The following RYR3 variants were observed in gnomAD, a reference collection of about 807,000 sequenced individuals.
The protein encoded by RYR3 is brain ryanodine receptor-calcium release channel.
In RYR3, 207 loss-of-function variants were observed where a neutral mutation model predicts 584.3. The observed-to-expected ratio is 0.35, with a 90% confidence interval of 0.32 to 0.40. The LOEUF is 0.40. Ranked by LOEUF, RYR3 falls within the 10% of genes least tolerant of loss-of-function variation. RYR3 has a pLI of 1.00. For synonymous variants in RYR3, 2,416 were observed against 2,248.5 expected, an observed-to-expected ratio of 1.07 and a Z score of -2.11; for missense variants, 5,616 against 6,089.2, an observed-to-expected ratio of 0.92 and a Z score of 2.59.
intron 1 of RYR3, among the ~76,000 whole-genome samples, chr15:33,376,366 C>T (rs543371477): frequency 1.3e-5 from 2 of 152,184 alleles, no homozygotes; most frequent in African/African-American, 4.8e-5. Context: ...TATCCATTCC[C>T]CTCTGATGGA....
Position 33,825,954 on chromosome 15 carries a change from G to A in RYR3, c.11146+278G>A, listed in dbSNP as rs2077359066. 1.8e-5 allele frequency: 9 copies of A among 502,894 alleles called. No individual in the cohort carries two copies. The East Asian group carries it at 3.3e-4, about 18-fold the overall frequency. 31.2% of individuals were successfully genotyped at this position (502,894 alleles called of 1,614,324 possible). A position where few individuals can be genotyped will look rare whatever the true frequency, so the allele number is the denominator to read the frequency against. ...TCATCATGTTGGCCAGGCTGGTCTT[G>A]AACTCCTGACCTCAGGTGATCCACC... On this transcript the variant is annotated intron_variant, in intron 82 of 103. Coordinates refer to ENST00000634891, the MANE Select transcript of RYR3 (RefSeq NM_001036.6).
chr15:33,533,325 G>C lies in RYR3; in HGVS notation c.369G>C (p.Leu123Phe). Residue 123 changes from leucine to phenylalanine, a missense_variant, in exon 5 of 104, where the codon TTG (leucine) becomes TTC (phenylalanine). Transcript: ENST00000634891. ...HSFSGMYLTC[L>F]TTSRSQTDKL... ...TTCTTTCACAGTATCTAACATGCTT[G>C]ACTACATCAAGATCCCAGACAGACA... is the stretch of plus-strand genomic sequence containing the variant. The C allele has an allele frequency of 1.2e-6, 2 of 1,605,502 alleles. No homozygotes were observed. Among genetic ancestry groups the C allele is most frequent in the Non-Finnish European group, 1.7e-6 (2 of 1,175,704 alleles).
chr15:33,374,696 G>A (rs1267761391), intron 1 of RYR3, among the ~76,000 whole-genome samples: 2 of 152,152 alleles, frequency 1.3e-5, no homozygotes, highest in African/African-American at 4.8e-5. Context: ...GTAATGAAAT[G>A]GTAATGTTAT....
chr15:33,391,264 C>T (rs1484692305), intron 1 of RYR3, among the ~76,000 whole-genome samples: 1 of 152,180 alleles, frequency 6.6e-6, no homozygotes, highest in Admixed American at 6.5e-5. Context: ...AGGCTTCACT[C>T]TCATGCAGCC....
rs746107785 is a variant in RYR3, at chr15:33,728,941, A to G, written c.7118A>G (p.Tyr2373Cys). 1 of 1,613,936 alleles carries G rather than the reference A, an allele frequency of 6.2e-7. No homozygotes were observed. Among genetic ancestry groups the G allele is most frequent in the Middle Eastern group, 1.7e-4 (1 of 6,058 alleles). Residue 2373 changes from tyrosine (Y) to cysteine (C), a missense_variant, in exon 47 of 104, where the codon TAT (tyrosine) becomes TGT (cysteine). This residue lies in a region of RYR3 where 1,280 missense variants were observed against 1,426.2 expected (regional missense o/e 0.90). Coordinates refer to ENST00000634891, the MANE Select transcript of RYR3 (RefSeq NM_001036.6). ...ATGGTGCTGTTCTTGGACCGCGTTT[A>G]TGGCATTAAGGATCAAACTTTTCTG... ...APMVLFLDRVYGIKDQTFLLH... is the reference protein window; with the variant it reads ...APMVLFLDRVCGIKDQTFLLH...
intron 3 of RYR3, among the ~76,000 whole-genome samples, chr15:33,527,299 G>A (rs1459438364): frequency 1.3e-5 from 2 of 152,108 alleles, no homozygotes; most frequent in Admixed American, 1.3e-4. Context: ...AATACATTAA[G>A]GCCGGGCATG....
chr15:33,471,594 T>TAAAA (rs3084420), intron 1 of RYR3, among the ~76,000 whole-genome samples: 1,604 of 142,142 alleles, frequency 0.011, 33 homozygotes, highest in African/African-American at 0.04. Flanking sequence ...CATGCCTTTG[T>TAAAA]AAAAAAAAAA....
intron 67 of RYR3, among the ~76,000 whole-genome samples, chr15:33,789,467 G>A (rs1041087303): frequency 1.3e-5 from 2 of 150,416 alleles, no homozygotes; most frequent in Non-Finnish European, 3.0e-5. Flanking sequence ...GAGTGATGGG[G>A]AGGGACTGCT....
intron 45 of RYR3, among the ~76,000 whole-genome samples, chr15:33,724,731 A>T (rs550348069): frequency 2.1e-4 from 32 of 152,310 alleles, no homozygotes; most frequent in African/African-American, 7.7e-4. Context: ...CTGAAAGAAT[A>T]AGCCTTATTT....
intron 23 of RYR3, among the ~76,000 whole-genome samples, chr15:33,631,531 T>C (rs1394228543): frequency 1.3e-5 from 2 of 152,172 alleles, no homozygotes; most frequent in Non-Finnish European, 2.9e-5. Context: ...ATTGTTAGTT[T>C]TGAGCCAGGA....
intron 1 of RYR3, among the ~76,000 whole-genome samples, chr15:33,429,510 T>A (rs773660806): frequency 1.6e-4 from 24 of 152,326 alleles, no homozygotes; most frequent in Middle Eastern, 3.4e-3. Flanking sequence ...GATGATCGGA[T>A]TTGCACTTTT....
At chr15:33,665,245 C>T in intron 36 of RYR3, among the ~76,000 whole-genome samples, 1 of 152,198 alleles carries the variant, frequency 6.6e-6, no homozygotes, top group East Asian at 1.9e-4. Flanking sequence ...CTGGCTCCCC[C>T]ATTGCTCGCT....
intron 82 of RYR3, chr15:33,825,914 A>T: frequency 2.0e-6 from 1 of 498,806 alleles, no homozygotes; most frequent in South Asian, 2.3e-5. Context: ...TTGTATTTTT[A>T]GTAGAGGCAG....
chr15:33,424,020 T>C (rs2044424387), intron 1 of RYR3, among the ~76,000 whole-genome samples: 1 of 152,214 alleles, frequency 6.6e-6, no homozygotes. Context: ...CTTGCCCTGG[T>C]TCAGATGTCC....
intron 8 of RYR3, among the ~76,000 whole-genome samples, chr15:33,545,375 T>C (rs2056158374): frequency 6.6e-6 from 1 of 151,986 alleles, no homozygotes; most frequent in African/African-American, 2.4e-5. Flanking sequence ...AAGAGTGAAG[T>C]AGATGGAGGG....
chr15:33,632,763 A>G (rs780972104), intron 23 of RYR3, among the ~76,000 whole-genome samples, 186 bp from the exon 24 acceptor site: 2 of 152,276 alleles, frequency 1.3e-5, no homozygotes, highest in South Asian at 4.2e-4. Context: ...GGGAAGAAGG[A>G]TGGTAGATTG....
intron 86 of RYR3, among the ~76,000 whole-genome samples, chr15:33,833,154 G>T (rs1266262425): frequency 6.6e-6 from 1 of 152,074 alleles, no homozygotes; most frequent in Non-Finnish European, 1.5e-5. Flanking sequence ...AAATAATGTC[G>T]GCAATTATAT....
Position 33,551,087 on chromosome 15 carries a change from T to A in RYR3, c.972+771T>A, listed in dbSNP as rs111497088. Among the ~76,000 whole-genome samples the A allele has an allele frequency of 3.9e-3, 593 of 152,302 alleles. 5 individuals are homozygous for A. The highest frequency in any genetic ancestry group is 0.014 in the African/African-American group (564 of 41,564). ...CAAGCTTCTACTCTGTCTAACTCAG[T>A]GCTGGATCTAGCTGAACGGTCAGAA... On this transcript the variant is annotated intron_variant, in intron 10 of 103. Coordinates refer to ENST00000634891, the MANE Select transcript of RYR3 (RefSeq NM_001036.6).
chr15:33,391,544 T>C (rs2041997191), intron 1 of RYR3, among the ~76,000 whole-genome samples: 1 of 150,036 alleles, frequency 6.7e-6, no homozygotes, highest in Non-Finnish European at 1.5e-5. Flanking sequence ...GAGAATGACG[T>C]GAACCTGGGA....
Sources: allele counts gnomAD v4.1 joint callset (sites outside exome capture counted in the v4.1 genomes callset), GRCh38; gene constraint gnomAD v4.1.1; regional missense constraint gnomAD v4.1.1; transcripts MANE v1.5; gene names NCBI Gene and HGNC (gene_info 2026-07-23, HGNC 2026-07-21).